PDS5A: variants seen among roughly 807,000 people sequenced by gnomAD.
PDS5A encodes the protein sister chromatid cohesion protein PDS5 homolog A.
In PDS5A, 42 loss-of-function variants were observed where a neutral mutation model predicts 167.1. That is an observed-to-expected ratio of 0.25 (90% CI 0.20 to 0.33). PDS5A has a LOEUF of 0.33. Among genes scored for constraint, PDS5A ranks in the 10% least tolerant of loss-of-function variants. The pLI is 1.00. For missense variants in PDS5A, 1,033 were observed against 1,605.9 expected (o/e 0.64, Z 6.10); for synonymous variants, 553 against 554.6 (o/e 1.00, Z 0.04).
chr4:39,970,791 T>C (rs77670064), intron 2 of PDS5A, among the ~76,000 whole-genome samples: 2 of 25,856 alleles, frequency 7.7e-5, no homozygotes, highest in Admixed American at 4.5e-4. Context: ...CGCTTGTTCC[T>C]TTTTTTTTTT....
intron 26 of PDS5A, among the ~76,000 whole-genome samples, chr4:39,854,770 G>A (rs564054768): frequency 7.9e-5 from 12 of 152,168 alleles, no homozygotes; most frequent in Middle Eastern, 3.4e-3. Context: ...AGAACTTAGC[G>A]TACCTGGCAC....
intron 14 of PDS5A, among the ~76,000 whole-genome samples, chr4:39,899,851 TAAA>T (rs532738160): frequency 2.9e-4 from 30 of 102,402 alleles, no homozygotes; most frequent in African/African-American, 5.1e-4. Flanking sequence ...TCCTGTGTAT[TAAA>T]AAAAAAAAAA....
intron 2 of PDS5A, among the ~76,000 whole-genome samples, chr4:39,945,089 A>G (rs1234806153): frequency 1.3e-5 from 2 of 152,152 alleles, no homozygotes; most frequent in Non-Finnish European, 2.9e-5. Flanking sequence ...AATGATATCT[A>G]TGAGAAGCAT....
At chr4:39,843,326 T>C (rs959612315) in intron 30 of PDS5A, among the ~76,000 whole-genome samples, 2 of 152,172 alleles carry the variant, frequency 1.3e-5, no homozygotes, top group Admixed American at 6.6e-5. Context: ...CATAAGGCAC[T>C]ACACCCAGCC....
chr4:39,826,477 A>T (rs972030553), intron 32 of PDS5A, among the ~76,000 whole-genome samples: 5 of 140,488 alleles, frequency 3.6e-5, no homozygotes, highest in African/African-American at 1.0e-4. Context: ...CCACATTTTT[A>T]TTTATTTATT....
chr4:39,913,472 TAAG>T, intron 9 of PDS5A, 136 bp downstream of exon 9: 1 of 573,048 alleles, frequency 1.7e-6, no homozygotes, highest in South Asian at 2.5e-5. Flanking sequence ...ATTTATTCCA[TAAG>T]AAGGATGGAA....
chr4:39,838,699 G>A (rs966033990), intron 31 of PDS5A, among the ~76,000 whole-genome samples: 3 of 151,798 alleles, frequency 2.0e-5, no homozygotes, highest in African/African-American at 7.3e-5. Flanking sequence ...CTCCAGCCTG[G>A]GTGACAGAGG....
chr4:39,861,280 C>A (rs1718970780), intron 26 of PDS5A, among the ~76,000 whole-genome samples: 1 of 151,744 alleles, frequency 6.6e-6, no homozygotes. Context: ...TGGTAAAACT[C>A]CATCTCTAAC....
At chr4:39,955,177 C>A (rs566754146) in intron 2 of PDS5A, among the ~76,000 whole-genome samples, 1 of 152,256 alleles carries the variant, frequency 6.6e-6, no homozygotes, top group Non-Finnish European at 1.5e-5. Flanking sequence ...TATGCTAAAT[C>A]TAACTTAGAG....
intron 32 of PDS5A, among the ~76,000 whole-genome samples, chr4:39,833,821 CTG>C (rs1175258045): frequency 6.6e-6 from 1 of 152,202 alleles, no homozygotes; most frequent in Non-Finnish European, 1.5e-5. Flanking sequence ...ATAGCCAACA[CTG>C]TGGTCATTTC....
chr4:39,899,232 A>G (rs1722670112), intron 14 of PDS5A, among the ~76,000 whole-genome samples: 1 of 152,176 alleles, frequency 6.6e-6, no homozygotes, highest in African/African-American at 2.4e-5. Flanking sequence ...TTTCTGCAAT[A>G]GAGTTCTGTT....
intron 11 of PDS5A, among the ~76,000 whole-genome samples, chr4:39,906,283 G>A (rs1226261490): frequency 2.0e-5 from 3 of 151,994 alleles, no homozygotes; most frequent in East Asian, 1.9e-4. Flanking sequence ...TGGGAGGATC[G>A]CTTGAGCCTG....
intron 10 of PDS5A, among the ~76,000 whole-genome samples, chr4:39,909,040 A>AAAAATAAAATAAAATAAAAT (rs59403675): frequency 0.073 from 9,128 of 125,902 alleles, 526 homozygotes; most frequent in South Asian, 0.11. Context: ...CCCTGTATCA[A>AAAAATAAAATAAAATAAAAT]AAAATAAAAT....
intron 26 of PDS5A, among the ~76,000 whole-genome samples, chr4:39,857,502 C>T (rs1273014212): frequency 1.3e-5 from 2 of 151,962 alleles, no homozygotes; most frequent in African/African-American, 4.8e-5. Context: ...AGAAAATATA[C>T]AGCTATTTTG....
chr4:39,930,246 A>AAAATTT, intron 2 of PDS5A, among the ~76,000 whole-genome samples: 1 of 93,086 alleles, frequency 1.1e-5, no homozygotes, highest in Non-Finnish European at 2.2e-5. Flanking sequence ...AAAAAAAAAA[A>AAAATTT]GTTTTTTTGT....
intron 2 of PDS5A, among the ~76,000 whole-genome samples, chr4:39,940,268 A>T (rs893294249): frequency 6.6e-6 from 1 of 152,150 alleles, no homozygotes; most frequent in African/African-American, 2.4e-5. Flanking sequence ...ATTTTTAAGA[A>T]ATATGTAGTG....
intron 2 of PDS5A, among the ~76,000 whole-genome samples, chr4:39,971,613 C>T (rs529995946): frequency 1.3e-5 from 2 of 151,998 alleles, no homozygotes; most frequent in African/African-American, 4.8e-5. Flanking sequence ...AGGTGTGCCA[C>T]CACACCTGGC....
chr4:39,960,120 A>G (rs934937975), intron 2 of PDS5A, among the ~76,000 whole-genome samples: 3 of 151,592 alleles, frequency 2.0e-5, no homozygotes, highest in Non-Finnish European at 4.4e-5. Context: ...AACCACAAAA[A>G]GTAGCTGGGC....
chr4:39,945,214 A>G (rs949058253), intron 2 of PDS5A, among the ~76,000 whole-genome samples: 4 of 152,140 alleles, frequency 2.6e-5, no homozygotes, highest in African/African-American at 7.2e-5. Flanking sequence ...TAATCCCAGC[A>G]CTTTGGAAGG....
Sources: allele counts gnomAD v4.1 joint callset (sites outside exome capture counted in the v4.1 genomes callset), GRCh38; gene constraint gnomAD v4.1.1; transcripts MANE v1.5; gene names NCBI Gene and HGNC (gene_info 2026-07-23, HGNC 2026-07-21).